The following CBLN2 variants were observed in gnomAD, a reference collection of about 807,000 sequenced individuals.
CBLN2 encodes cerebellin 2 precursor.
In CBLN2, 7 loss-of-function variants were observed where a neutral mutation model predicts 15.0. The ratio of observed to expected loss-of-function variants is 0.47; its 90% CI spans 0.27 to 0.88. The LOEUF is 0.88. Among genes scored for constraint, CBLN2 ranks in the 40% least tolerant of loss-of-function variants. CBLN2 has a pLI of 0.14. For missense variants in CBLN2, 242 were observed against 304.5 expected, an observed-to-expected ratio of 0.79 and a Z score of 1.53; for synonymous variants, 149 against 135.2, an observed-to-expected ratio of 1.10 and a Z score of -0.71.
intron 1 of CBLN2, among the ~76,000 whole-genome samples, chr18:72,591,216 C>G (rs527295735): frequency 6.6e-6 from 1 of 152,158 alleles, no homozygotes; most frequent in South Asian, 2.1e-4. Flanking sequence ...CAGTTGCTGA[C>G]TTATTAACTT....
intron 1 of CBLN2, among the ~76,000 whole-genome samples, chr18:72,575,673 G>A (rs2069361694): frequency 1.3e-5 from 2 of 152,184 alleles, no homozygotes; most frequent in South Asian, 4.1e-4. Flanking sequence ...GCCAGAGGAT[G>A]AAGGGCCAGT....
In CBLN2 at chr18:72,561,132, A is replaced by G. The variant is rs558220883; in HGVS notation, c.16-22360T>C. Among the ~76,000 whole-genome samples, 8 of 152,126 alleles carry G rather than the reference A, an allele frequency of 5.3e-5. No individual in the cohort carries two copies. The South Asian group carries it at 8.3e-4, about 16-fold the overall frequency. On this transcript the variant is annotated intron_variant, in intron 1 of 2. Transcript: ENST00000581073. ...GCTGTGATAAAAGCTATATATATAT[A>G]CATATATACACATACACACAAACAC...
chr18:72,549,013 ATTTATTT>A (rs1290485915), upstream of CBLN2, among the ~76,000 whole-genome samples: 3 of 151,464 alleles, frequency 2.0e-5, no homozygotes, highest in Non-Finnish European at 2.9e-5. Context: ...TTATTTATTT[ATTTATTT>A]TTTATTTTTT....
At chr18:72,568,262 G>A (rs1261424594) in intron 1 of CBLN2, among the ~76,000 whole-genome samples, 2 of 152,112 alleles carry the variant, frequency 1.3e-5, no homozygotes, top group African/African-American at 4.8e-5. Flanking sequence ...CTCAAACTTT[G>A]GTCTCAGGAT....
intron 1 of CBLN2, among the ~76,000 whole-genome samples, chr18:72,613,461 A>G (rs1299090563): frequency 2.6e-5 from 4 of 151,190 alleles, no homozygotes; most frequent in African/African-American, 7.2e-5. Context: ...AATTATTATT[A>G]GTAATAGGTA....
At chr18:72,618,369 G>A in intron 1 of CBLN2, 1 of 511,656 alleles carries the variant, frequency 2.0e-6, no homozygotes, top group Non-Finnish European at 3.6e-6. Context: ...GAGCCACTGT[G>A]AGCAATGTGG....
chr18:72,546,600 C>A (rs74640333), upstream of CBLN2, among the ~76,000 whole-genome samples: 636 of 152,196 alleles, frequency 4.2e-3, 4 homozygotes, highest in African/African-American at 0.014. Context: ...ATAATTGTTG[C>A]TATTACTACT....
chr18:72,583,455 G>C (rs2069420991), intron 1 of CBLN2, among the ~76,000 whole-genome samples: 1 of 152,134 alleles, frequency 6.6e-6, no homozygotes, highest in Admixed American at 6.5e-5. Flanking sequence ...ACTGCTCCCA[G>C]AGTGTTACCA....
At chr18:72,559,360 G>C (rs183495149) in intron 1 of CBLN2, among the ~76,000 whole-genome samples, 96 of 152,312 alleles carry the variant, frequency 6.3e-4, no homozygotes, top group African/African-American at 2.1e-3. Flanking sequence ...TGATGAATTT[G>C]ACTGAGAAGT....
At chr18:72,581,247 T>C (rs2069401830) in intron 1 of CBLN2, among the ~76,000 whole-genome samples, 1 of 152,242 alleles carries the variant, frequency 6.6e-6, no homozygotes, top group Non-Finnish European at 1.5e-5. Context: ...TTTAATTGTA[T>C]ACCTTGAGGA....
At chr18:72,556,652 A>G (rs551507453) in intron 1 of CBLN2, among the ~76,000 whole-genome samples, 134 of 152,330 alleles carry the variant, frequency 8.8e-4, no homozygotes, top group African/African-American at 3.1e-3. Context: ...GGAGCAATGA[A>G]AAGACTTTAC....
chr18:72,633,675 A>T (rs780169591), intron 1 of CBLN2, among the ~76,000 whole-genome samples: 5 of 152,186 alleles, frequency 3.3e-5, no homozygotes, highest in Non-Finnish European at 5.9e-5. Flanking sequence ...AATATGCCTT[A>T]TCCTCTGTTT....
chr18:72,624,861 T>C (rs951362135), intron 1 of CBLN2, among the ~76,000 whole-genome samples: 12 of 152,190 alleles, frequency 7.9e-5, no homozygotes, highest in Non-Finnish European at 1.5e-4. Flanking sequence ...AAGAAGACTT[T>C]AATAAAAAGT....
Position 72,538,071 on chromosome 18 carries a change from G to A in CBLN2, c.*105C>T, listed in dbSNP as rs1053953562. ...CATTCTTCTACTGCAACAGTCTGACGGAGGTTGGAAACAAGGTGTCCAATT... is the reference window on the plus strand; with the variant it reads ...CATTCTTCTACTGCAACAGTCTGACAGAGGTTGGAAACAAGGTGTCCAATT... On this transcript the variant is annotated 3_prime_UTR_variant, in exon 5 of 5. Transcript: ENST00000269503. The A allele has an allele frequency of 4.8e-5, 53 of 1,099,538 alleles. 1 individual carries two copies. In the Middle Eastern group the frequency reaches 7.6e-4, roughly 16 times the overall value. The allele number at this position is 1,099,538 out of a possible 1,614,324, so 68.1% of individuals were successfully genotyped here.
intron 1 of CBLN2, chr18:72,552,662 C>T (rs2069198836): frequency 6.6e-6 from 1 of 152,084 alleles, no homozygotes; most frequent in Non-Finnish European, 1.5e-5. Flanking sequence ...AGAAGTACAT[C>T]ATTTCCAGGT....
chr18:72,607,477 CTTCT>C, intron 1 of CBLN2, among the ~76,000 whole-genome samples: 1 of 152,276 alleles, frequency 6.6e-6, no homozygotes, highest in South Asian at 2.1e-4. Context: ...TTGTGGCTAC[CTTCT>C]TTGTATTCAA....
chr18:72,579,286 T>A (rs2069387880), intron 1 of CBLN2, among the ~76,000 whole-genome samples: 1 of 152,198 alleles, frequency 6.6e-6, no homozygotes, highest in Non-Finnish European at 1.5e-5. Context: ...AAAGTATCAA[T>A]CATAAATATA....
At chr18:72,569,320 C>T (rs1027915749) in intron 1 of CBLN2, among the ~76,000 whole-genome samples, 5 of 151,852 alleles carry the variant, frequency 3.3e-5, no homozygotes, top group African/African-American at 1.2e-4. Flanking sequence ...TTTACTAAAA[C>T]AAAAAACAAT....
At chr18:72,566,123 C>A (rs148303703) in intron 1 of CBLN2, among the ~76,000 whole-genome samples, 261 of 152,254 alleles carry the variant, frequency 1.7e-3, no homozygotes, top group African/African-American at 5.7e-3. Flanking sequence ...GAGATATCAC[C>A]TCATGTCTGT....
Sources: gnomAD v4.1 joint callset for allele counts (sites outside exome capture counted in the v4.1 genomes callset) on GRCh38, gnomAD v4.1.1 for gene constraint, MANE v1.5 for transcripts, NCBI Gene and HGNC (gene_info 2026-07-23, HGNC 2026-07-21) for gene names.